CHORDC1: variants seen among roughly 807,000 people sequenced by gnomAD.
CHORDC1 encodes the protein cysteine and histidine-rich domain-containing protein 1.
In CHORDC1, 25 loss-of-function variants were observed where a neutral mutation model predicts 48.3. That is an observed-to-expected ratio of 0.52 (90% CI 0.38 to 0.72). CHORDC1 has a LOEUF of 0.72. Among genes scored for constraint, CHORDC1 ranks in the 30% least tolerant of loss-of-function variants. The pLI, the probability that CHORDC1 is intolerant of heterozygous loss-of-function variation, is 0.00. For synonymous variants in CHORDC1, 128 were observed against 126.4 expected (o/e 1.01, Z -0.09); for missense variants, 317 against 388.7 (o/e 0.82, Z 1.55).
chr11:90,203,424 T>C lies in CHORDC1; in HGVS notation c.673A>G (p.Lys225Glu), dbSNP rs754005973. The C allele has an allele frequency of 4.7e-5, 72 of 1,547,764 alleles. No individual in the cohort carries two copies. The highest frequency in any genetic ancestry group is 1.5e-4 in the Admixed American group (9 of 59,370). Reference sequence around the variant, plus strand: ...TCATGTCTACATGGAACAACTTTTTTCCCCTGTAATGTAAGAGAAACTCTG... The same window carrying C: ...TCATGTCTACATGGAACAACTTTTTCCCCCTGTAATGTAAGAGAAACTCTG... ...KHMWTKKDAG[K>E]KVVPCRHDWH... The change falls in exon 9 of 11, where the codon AAA (lysine) becomes GAA (glutamate). Residue 225 changes from lysine (K) to glutamate (E), a missense_variant. Physicochemically the swap from Lys to Glu is moderately conservative, Grantham distance 56. Transcript: ENST00000320585.
intron 8 of CHORDC1, among the ~76,000 whole-genome samples, 166 bp downstream of exon 8, chr11:90,205,294 C>A (rs938013658): frequency 6.6e-6 from 1 of 152,192 alleles, no homozygotes; most frequent in Non-Finnish European, 1.5e-5. Flanking sequence ...AGGCAGTACA[C>A]TGGCAGCTTG....
chr11:90,217,334 A>G (rs975530468), intron 2 of CHORDC1, among the ~76,000 whole-genome samples: 5 of 151,184 alleles, frequency 3.3e-5, no homozygotes, highest in East Asian at 1.9e-4. Context: ...CCACAGCATC[A>G]TCTTTTGAGA....
chr11:90,220,618 C>G (rs1405588788), intron 1 of CHORDC1, among the ~76,000 whole-genome samples: 1 of 152,178 alleles, frequency 6.6e-6, no homozygotes, highest in African/African-American at 2.4e-5. Flanking sequence ...ATACAACTAA[C>G]ATGAACACAA....
intron 6 of CHORDC1, among the ~76,000 whole-genome samples, chr11:90,210,077 T>A (rs12786532): frequency 1.2e-4 from 19 of 152,140 alleles, no homozygotes; most frequent in Non-Finnish European, 2.2e-4. Flanking sequence ...CAGGTTTACA[T>A]AATCCATCCA....
Position 90,205,515 on chromosome 11 carries a change from A to C in CHORDC1, c.614T>G (p.Phe205Cys). The change falls in exon 8 of 11, where the codon TTC (phenylalanine) becomes TGC (cysteine). Residue 205 changes from phenylalanine (F) to cysteine (C), a missense_variant. Coordinates refer to ENST00000320585, the MANE Select transcript of CHORDC1 (RefSeq NM_012124.3). Reference sequence around the variant, plus strand: ...TTTTGTACAGCCCTCTTGGGCTAAGAATGTATTAAAATCAGAAGTTTTTCT... The same window carrying C: ...TTTTGTACAGCCCTCTTGGGCTAAGCATGTATTAAAATCAGAAGTTTTTCT... ...CRRKTSDFNT[F>C]LAQEGCTKGK... is the part of the protein sequence containing the mutation. 6.2e-7 allele frequency: 1 copy of C among 1,603,674 alleles called. No homozygotes were observed.
intron 1 of CHORDC1, among the ~76,000 whole-genome samples, chr11:90,218,393 A>C (rs556803547): frequency 6.6e-6 from 1 of 152,190 alleles, no homozygotes; most frequent in Non-Finnish European, 1.5e-5. Flanking sequence ...ATGATGACTA[A>C]GGACAAAAAT....
intron 1 of CHORDC1, 75 bp downstream of exon 1, chr11:90,222,816 A>T (rs1231734919): frequency 7.5e-7 from 1 of 1,339,350 alleles, no homozygotes; most frequent in Non-Finnish European, 1.1e-6. Context: ...AGATCCGCGG[A>T]CACCCTCCGG....
At chr11:90,210,739 T>G in intron 5 of CHORDC1, 145 bp from the exon 6 acceptor site, 1 of 604,166 alleles carries the variant, frequency 1.7e-6, no homozygotes, top group Non-Finnish European at 2.9e-6. Context: ...CAAATTGATA[T>G]ATGACACATT....
intron 4 of CHORDC1, 64 bp downstream of exon 4, chr11:90,213,954 A>G: frequency 7.4e-7 from 1 of 1,345,546 alleles, no homozygotes; most frequent in Non-Finnish European, 1.0e-6. Flanking sequence ...ATCATAAAGG[A>G]AAGTACCATG....
chr11:90,222,529 C>T (rs1730606550), intron 1 of CHORDC1: 4 of 468,642 alleles, frequency 8.5e-6, no homozygotes, highest in South Asian at 6.9e-5. Context: ...TCACCAGTAC[C>T]TCGTTAATTT....
At chr11:90,211,668 T>C (rs534390115) in intron 4 of CHORDC1, 1 of 205,192 alleles carries the variant, frequency 4.9e-6, no homozygotes, top group East Asian at 1.7e-4. Context: ...TTACATCCCA[T>C]GCCCAAGCTC....
chr11:90,219,581 T>C (rs1462439447), intron 1 of CHORDC1, among the ~76,000 whole-genome samples: 1 of 152,202 alleles, frequency 6.6e-6, no homozygotes, highest in Non-Finnish European at 1.5e-5. Flanking sequence ...ACTTAAGGCA[T>C]TCTTAAACCA....
At chr11:90,209,582 C>T (rs1194263162) in intron 6 of CHORDC1, 3 of 151,798 alleles carry the variant, frequency 2.0e-5, no homozygotes, top group Non-Finnish European at 4.4e-5. Flanking sequence ...AATAAGTATA[C>T]AAAATAAGTA....
In CHORDC1 at chr11:90,200,804, TATTAATC is replaced by T. The variant is rs1172158214; in HGVS notation, c.*1594_*1600del. On this transcript the variant is annotated 3_prime_UTR_variant, in exon 11 of 11. Coordinates refer to ENST00000320585, the MANE Select transcript of CHORDC1 (RefSeq NM_012124.3). ...AGAAGGAAGTATGAACAAAAAGGGA[TATTAATC>T]ATTACCTTTAATCAAACTAATTATC... 1.3e-5 allele frequency among the ~76,000 whole-genome samples: 2 copies of T among 151,996 alleles called. No individual in the cohort carries two copies. The highest frequency in any genetic ancestry group is 6.6e-5 in the Admixed American group (1 of 15,258).
At chr11:90,207,010 A>G in intron 6 of CHORDC1, 1 of 335,194 alleles carries the variant, frequency 3.0e-6, no homozygotes, top group Non-Finnish European at 5.8e-6. Context: ...GTATGTTAGC[A>G]TCTACTAAAC....
intron 6 of CHORDC1, chr11:90,206,681 G>T: frequency 1.4e-6 from 1 of 691,520 alleles, no homozygotes; most frequent in Non-Finnish European, 2.2e-6. Context: ...AATCTAATAA[G>T]CAATTCTGGA....
chr11:90,213,979 T>A (rs1857938128), intron 4 of CHORDC1, 39 bp downstream of exon 4: 2 of 1,529,048 alleles, frequency 1.3e-6, no homozygotes, highest in Admixed American at 1.8e-5. Context: ...AGTGCTACTA[T>A]TCAAGTGTGA....
Position 90,218,127 on chromosome 11 carries a change from G to A in CHORDC1, c.114+8C>T. ...CAGATATGAAAAAAATGAAAATATA[G>A]TTCCTACCTTTAATGCATCGTGAAA... On this transcript the variant is annotated splice_region_variant and intron_variant, in intron 2 of 10. Coordinates refer to ENST00000320585, the MANE Select transcript of CHORDC1 (RefSeq NM_012124.3). 1 of 1,559,716 alleles carries A rather than the reference G, an allele frequency of 6.4e-7. No homozygotes were observed. Among genetic ancestry groups the A allele is most frequent in the Non-Finnish European group, 8.7e-7 (1 of 1,154,690 alleles).
intron 1 of CHORDC1, among the ~76,000 whole-genome samples, chr11:90,219,268 A>AC (rs1484572580): frequency 2.6e-5 from 4 of 152,086 alleles, no homozygotes; most frequent in African/African-American, 7.2e-5. Flanking sequence ...CATCTTAAAA[A>AC]AAACAAACAA....
Sources: gnomAD v4.1 joint callset for allele counts (sites outside exome capture counted in the v4.1 genomes callset) on GRCh38, gnomAD v4.1.1 for gene constraint, MANE v1.5 for transcripts, NCBI Gene and HGNC (gene_info 2026-07-23, HGNC 2026-07-21) for gene names.